Variants in PLXNB2 observed in about 807,000 individuals in gnomAD.
PLXNB2 encodes the protein plexin B2, also known as plexin-B2.
In PLXNB2, 85 loss-of-function variants were observed where a neutral mutation model predicts 202.6. The observed-to-expected ratio is 0.42, with a 90% CI of 0.35 to 0.50. The LOEUF is 0.50. Among genes scored for constraint, PLXNB2 ranks in the 20% least tolerant of loss-of-function variants. The probability of loss-of-function intolerance (pLI) is 0.02; values close to 1 mark genes in which losing one functional copy is unlikely to be tolerated. For synonymous variants in PLXNB2, 1,239 were observed against 1,137.6 expected (o/e 1.09, Z -1.79); for missense variants, 2,063 against 2,586.2 (o/e 0.80, Z 4.39).
rs533044516 is a variant in PLXNB2, at chr22:50,284,455, G to A, written c.2181+118C>T. 64 of 816,368 alleles carry A rather than the reference G, an allele frequency of 7.8e-5. No homozygotes were observed. In the African/African-American group the frequency reaches 1.0e-3, roughly 13 times the overall value. The allele number at this position is 816,368 out of a possible 1,614,324, so 50.6% of individuals were successfully genotyped here. A position where few individuals can be genotyped will look rare whatever the true frequency, so the allele number is the denominator to read the frequency against. Reference sequence around the variant, plus strand: ...CACAGGGCATGGCGAGCCCCTGGCTGGGCTCTGGTCCCTGGGGTCTCCCTG... The same window carrying A: ...CACAGGGCATGGCGAGCCCCTGGCTAGGCTCTGGTCCCTGGGGTCTCCCTG... On this transcript the variant is annotated intron_variant, in intron 12 of 36. Coordinates refer to ENST00000359337, the MANE Select transcript of PLXNB2 (RefSeq NM_012401.4). This position sits in a 1 kb window ranked among gnomAD's most constrained non-coding sequence, Gnocchi z 8.0.
chr22:50,276,501 C>G (rs1457301703), intron 35 of PLXNB2, 128 bp downstream of exon 35: 3 of 793,910 alleles, frequency 3.8e-6, no homozygotes, highest in African/African-American at 3.4e-5. Context: ...GAGCCCACCT[C>G]GAGGTCCCGC....
At chr22:50,286,336 G>A (rs771851446) in intron 8 of PLXNB2, 49 bp from the exon 9 acceptor site, 13 of 1,309,374 alleles carry the variant, frequency 9.9e-6, no homozygotes, top group Non-Finnish European at 1.3e-5. Flanking sequence ...GCAGGGCCGA[G>A]GGCCAGGCTG....
At chr22:50,292,336 TCA>T (rs1491335137) in intron 2 of PLXNB2, among the ~76,000 whole-genome samples, 1 of 55,152 alleles carries the variant, frequency 1.8e-5, no homozygotes, top group African/African-American at 9.2e-5. Context: ...AGACTCTGTC[TCA>T]AAAAAAAAAA....
intron 1 of PLXNB2, among the ~76,000 whole-genome samples, chr22:50,302,691 C>A (rs1232042576): frequency 6.6e-6 from 1 of 152,142 alleles, no homozygotes; most frequent in Non-Finnish European, 1.5e-5. Context: ...GCTCCCCTGG[C>A]CAATCTCTGA....
In PLXNB2 at chr22:50,294,783, G is replaced by A; in HGVS notation, c.-73-5C>T. 2.0e-6 allele frequency: 2 copies of A among 985,372 alleles called. No homozygotes were observed. The highest frequency in any genetic ancestry group is 2.4e-6 in the Non-Finnish European group (2 of 829,846). The allele number at this position is 985,372 out of a possible 1,614,324, so 61.0% of individuals were successfully genotyped here. A position where few individuals can be genotyped will look rare whatever the true frequency, so the allele number is the denominator to read the frequency against. On this transcript the variant is annotated splice_region_variant and splice_polypyrimidine_tract_variant and intron_variant, in intron 1 of 36. Transcript: ENST00000359337. ...CCAGGCCAGCATCGAGATTCTCTAGGAGGCAAAGGAGAGACGCCGGTCACA... is the reference window on the plus strand; with the variant it reads ...CCAGGCCAGCATCGAGATTCTCTAGAAGGCAAAGGAGAGACGCCGGTCACA...
chr22:50,275,243 G>C lies in PLXNB2; in HGVS notation c.*461C>G, dbSNP rs1378857092. 1 of 370,964 alleles carries C rather than the reference G, an allele frequency of 2.7e-6. No homozygotes were observed. Among genetic ancestry groups the C allele is most frequent in the Admixed American group, 3.5e-5 (1 of 28,444 alleles). The allele number at this position is 370,964 out of a possible 1,614,324, so 23.0% of individuals were successfully genotyped here. A position where few individuals can be genotyped will look rare whatever the true frequency, so the allele number is the denominator to read the frequency against. ...AGGCCGGTGAGGTCAGGAAGGCATC[G>C]TACCGCTTTTTCTCCTCCTCCCATC... On this transcript the variant is annotated 3_prime_UTR_variant, in exon 37 of 37. Coordinates refer to ENST00000359337, the MANE Select transcript of PLXNB2 (RefSeq NM_012401.4).
chr22:50,305,998 C>T (rs764398245), intron 1 of PLXNB2, among the ~76,000 whole-genome samples: 1 of 152,212 alleles, frequency 6.6e-6, no homozygotes, highest in South Asian at 2.1e-4. Flanking sequence ...CAGAGCTGCC[C>T]GGACTTGCCC....
chr22:50,300,102 C>A (rs1288697881), intron 1 of PLXNB2, among the ~76,000 whole-genome samples: 3 of 152,116 alleles, frequency 2.0e-5, no homozygotes, highest in African/African-American at 4.8e-5. Context: ...TCCGGCGCCC[C>A]GTCCGCCCCT....
intron 16 of PLXNB2, 41 bp from the exon 17 acceptor site, chr22:50,283,227 A>T: frequency 1.3e-6 from 2 of 1,599,346 alleles, no homozygotes; most frequent in South Asian, 1.1e-5. Flanking sequence ...GACGGGGCAC[A>T]GGACGCCCTC....
intron 11 of PLXNB2, among the ~76,000 whole-genome samples, chr22:50,285,187 G>A (rs1211064922): frequency 6.6e-6 from 1 of 150,786 alleles, no homozygotes; most frequent in African/African-American, 2.4e-5. Context: ...CCGTACCTTA[G>A]CCTGCCTGTC....
At chr22:50,300,573 G>A (rs1036094881) in intron 1 of PLXNB2, among the ~76,000 whole-genome samples, 1 of 152,004 alleles carries the variant, frequency 6.6e-6, no homozygotes, top group African/African-American at 2.4e-5. Flanking sequence ...CGGGGCTCCA[G>A]GGACAGACTG....
rs1016498602 is a variant in PLXNB2 at position 50,289,811 on chromosome 22, G to A, written c.774C>T (p.Ser258=). Residue 258 remains serine, a synonymous_variant, in exon 3 of 37, where the codon TCC becomes TCT. Coordinates refer to ENST00000359337, the MANE Select transcript of PLXNB2 (RefSeq NM_012401.4). The surrounding 1 kb of genome is among the most constrained non-coding windows in gnomAD (Gnocchi z 8.0). ...RMCREDPNYY[S]YLEMDLQCRD... ...GGCACTGCAGGTCCATCTCCAGGTA[G>A]GAGTAGTAGTTGGGGTCTTCTCTGC... The A allele has an allele frequency of 1.9e-6, 3 of 1,613,146 alleles. No individual in the cohort carries two copies. The highest frequency in any genetic ancestry group is 2.7e-5 in the African/African-American group (2 of 74,958).
At chr22:50,302,824 C>G (rs1382951291) in intron 1 of PLXNB2, among the ~76,000 whole-genome samples, 3 of 151,874 alleles carry the variant, frequency 2.0e-5, no homozygotes, top group Admixed American at 6.6e-5. Flanking sequence ...GAGGGAGGCC[C>G]TGGTGTCAAG....
rs368989847 is a variant in PLXNB2, at chr22:50,282,213, G to C, written c.3088C>G (p.Arg1030Gly). The C allele has an allele frequency of 4.3e-6, 7 of 1,611,528 alleles. No homozygotes were observed. The highest frequency in any genetic ancestry group is 1.6e-4 in the Middle Eastern group (1 of 6,082). ...AEPLQSWQPP[R>G]EAESLQPMTV... ...ATGGGCTGCAGGGATTCAGCCTCCC[G>C]CGGCGGCTGCCAGGACTGCAGGGGC... The change falls in exon 19 of 37, where the codon CGG (arginine) becomes GGG (glycine). Residue 1030 changes from arginine (R) to glycine (G), a missense_variant. By Grantham distance (125) the Arg-to-Gly change is moderately radical. Transcript: ENST00000359337.
rs752395102 is a variant in PLXNB2, at chr22:50,280,572, G to A, written c.4092C>T (p.Tyr1364=). The A allele has an allele frequency of 1.7e-5, 28 of 1,612,320 alleles. No individual in the cohort carries two copies. The South Asian group carries it at 2.7e-4, about 16-fold the overall frequency. Residue 1364 remains tyrosine (Y), a synonymous_variant, in exon 25 of 37, where the codon TAC becomes TAT. Transcript: ENST00000359337. ...LTVALHGKLE[Y]YTDIMHTLFL... ...AGAGCGTGTGCATGATGTCCGTGTA[G>A]TACTCCAGTTTCCCGTGCAGCGCCA...
chr22:50,288,583 C>A lies in PLXNB2; in HGVS notation c.1380+160G>T, dbSNP rs572171486. Reference sequence around the variant, plus strand: ...AGAGAGACACAGGATGGAGGCACTGCCCGGGACCCACCCAGCCACCCCTCA... The same window carrying A: ...AGAGAGACACAGGATGGAGGCACTGACCGGGACCCACCCAGCCACCCCTCA... On this transcript the variant is annotated intron_variant, in intron 5 of 36. Coordinates refer to ENST00000359337, the MANE Select transcript of PLXNB2 (RefSeq NM_012401.4). The surrounding 1 kb of genome is among the most constrained non-coding windows in gnomAD (Gnocchi z 5.0). Among the ~76,000 whole-genome samples the A allele has an allele frequency of 5.3e-5, 8 of 152,242 alleles. No homozygotes were observed. The South Asian group carries it at 1.7e-3, about 32-fold the overall frequency.
At chr22:50,285,037 A>C in intron 11 of PLXNB2, 2 of 406,054 alleles carry the variant, frequency 4.9e-6, no homozygotes, top group Non-Finnish European at 9.7e-6. Flanking sequence ...GCCCATCCAA[A>C]GGCCCCCGAG....
Position 50,280,524 on chromosome 22 carries a change from G to A in PLXNB2, c.4140C>T (p.Tyr1380=), listed in dbSNP as rs749735566. ...HTLFLELLEQ[Y]VVAKNPKLML... ...TCAGCTTGGGGTTCTTGGCCACCAC[G>A]TACTGCTCCAGGAGCTCCAGGAAGA... is the stretch of plus-strand genomic sequence containing the variant. The change falls in exon 25 of 37, where the codon TAC becomes TAT. Residue 1380 remains tyrosine (Y), a synonymous_variant. Transcript: ENST00000359337. 21 of 1,611,104 alleles carry A rather than the reference G, an allele frequency of 1.3e-5. No homozygotes were observed. Among genetic ancestry groups the A allele is most frequent in the South Asian group, 8.8e-5 (8 of 91,090 alleles).
At chr22:50,290,843 C>T (rs930151540) in intron 2 of PLXNB2, among the ~76,000 whole-genome samples, 2 of 152,200 alleles carry the variant, frequency 1.3e-5, no homozygotes, top group African/African-American at 2.4e-5. Flanking sequence ...GCACTGCCAT[C>T]GCCTGCTACA....
Sources: gnomAD v4.1 joint callset for allele counts (sites outside exome capture counted in the v4.1 genomes callset) on GRCh38, gnomAD v4.1.1 for gene constraint, Gnocchi (gnomAD v3.1) non-coding constraint, MANE v1.5 for transcripts, NCBI Gene and HGNC (gene_info 2026-07-23, HGNC 2026-07-21) for gene names.